Variants in PTPRD observed in about 807,000 individuals in gnomAD.
PTPRD encodes receptor-type tyrosine-protein phosphatase delta.
In PTPRD, 34 loss-of-function variants were observed where a neutral mutation model predicts 214.5. That is an observed-to-expected ratio of 0.16 (90% confidence interval 0.12 to 0.21). The LOEUF (loss-of-function observed/expected upper bound fraction) is 0.21, where lower values mean the gene tolerates loss of function less well. Ranked by LOEUF, PTPRD falls within the 10% of genes least tolerant of loss-of-function variation. The pLI is 1.00. For missense variants in PTPRD, 2,545 were observed against 2,398.7 expected (o/e 1.06, Z -1.27); for synonymous variants, 1,128 against 845.7 (o/e 1.33, Z -5.79).
chr9:9,284,917 G>C (rs948617790), intron 9 of PTPRD, among the ~76,000 whole-genome samples: 1 of 151,778 alleles, frequency 6.6e-6, no homozygotes, highest in East Asian at 2.0e-4. Context: ...CTCATTAAGT[G>C]TTAGCTATTT....
intron 3 of PTPRD, among the ~76,000 whole-genome samples, chr9:10,137,669 T>C (rs1225288499): frequency 1.6e-5 from 1 of 64,370 alleles, no homozygotes; most frequent in Non-Finnish European, 2.7e-5. Flanking sequence ...ACCTGCACAA[T>C]GTGCACATGT....
intron 11 of PTPRD, among the ~76,000 whole-genome samples, chr9:8,773,761 A>T (rs72702334): frequency 3.9e-5 from 6 of 152,242 alleles, no homozygotes; most frequent in Non-Finnish European, 8.8e-5. Context: ...CTTGTTTACA[A>T]TAACTATGAT....
At chr9:9,223,644 C>G (rs905211381) in intron 9 of PTPRD, among the ~76,000 whole-genome samples, 2 of 151,932 alleles carry the variant, frequency 1.3e-5, no homozygotes, top group African/African-American at 4.8e-5. Flanking sequence ...AAGTAGACAT[C>G]ATTCCACTAG....
chr9:9,234,067 T>A (rs1245508087), intron 9 of PTPRD, among the ~76,000 whole-genome samples: 1 of 152,184 alleles, frequency 6.6e-6, no homozygotes, highest in Non-Finnish European at 1.5e-5. Context: ...TGCACTGCCC[T>A]AGCAGAGGTT....
chr9:9,695,228 C>T (rs943644284), intron 7 of PTPRD, among the ~76,000 whole-genome samples: 5 of 152,132 alleles, frequency 3.3e-5, no homozygotes, highest in South Asian at 2.1e-4. Context: ...TCCATTTTGG[C>T]CCAGAGTGTG....
chr9:9,190,315 G>A (rs1004062233), intron 9 of PTPRD, among the ~76,000 whole-genome samples: 4 of 151,982 alleles, frequency 2.6e-5, no homozygotes, highest in African/African-American at 7.2e-5. Context: ...CCCACATGTC[G>A]TGGGAGGGAC....
intron 3 of PTPRD, among the ~76,000 whole-genome samples, chr9:10,286,162 C>T (rs1367801934): frequency 6.6e-6 from 1 of 151,734 alleles, no homozygotes; most frequent in Non-Finnish European, 1.5e-5. Context: ...ATGCATGTAC[C>T]AAATAAGGAA....
chr9:9,093,893 A>C (rs1418977026), intron 10 of PTPRD, among the ~76,000 whole-genome samples: 1 of 152,048 alleles, frequency 6.6e-6, no homozygotes, highest in Non-Finnish European at 1.5e-5. Flanking sequence ...TTCTATAAAA[A>C]GATCAGTAAA....
At chr9:8,691,393 A>G (rs1270957291) in intron 12 of PTPRD, among the ~76,000 whole-genome samples, 3 of 128,972 alleles carry the variant, frequency 2.3e-5, no homozygotes, top group African/African-American at 3.3e-5. Context: ...GTTCTTCTCT[A>G]GAGAAAAAAA....
chr9:9,350,630 T>C (rs181837277), intron 9 of PTPRD, among the ~76,000 whole-genome samples: 1 of 152,210 alleles, frequency 6.6e-6, no homozygotes, highest in Non-Finnish European at 1.5e-5. Context: ...GTATCCTCTA[T>C]ATTTTCTACG....
chr9:8,511,834 T>C (rs552372249), intron 21 of PTPRD, among the ~76,000 whole-genome samples: 2 of 152,120 alleles, frequency 1.3e-5, no homozygotes, highest in South Asian at 4.1e-4. Context: ...TAAAATGAGA[T>C]CATAATCCTA....
At chr9:10,198,762 A>G (rs900424800) in intron 3 of PTPRD, among the ~76,000 whole-genome samples, 2 of 152,138 alleles carry the variant, frequency 1.3e-5, no homozygotes, top group Non-Finnish European at 2.9e-5. Flanking sequence ...AAATGAATCC[A>G]TTATTCCCAG....
At chr9:9,079,912 G>A (rs1349400818) in intron 10 of PTPRD, among the ~76,000 whole-genome samples, 2 of 152,010 alleles carry the variant, frequency 1.3e-5, no homozygotes, top group Non-Finnish European at 2.9e-5. Flanking sequence ...TGGAATAAGG[G>A]TGCCCTTAGT....
chr9:8,744,576 T>C (rs2092564448), intron 11 of PTPRD, among the ~76,000 whole-genome samples: 1 of 152,206 alleles, frequency 6.6e-6, no homozygotes, highest in Non-Finnish European at 1.5e-5. Flanking sequence ...ATGTTCTCCC[T>C]CATAAGGAGG....
chr9:10,091,969 G>A (rs1205452452), intron 3 of PTPRD, among the ~76,000 whole-genome samples: 1 of 151,354 alleles, frequency 6.6e-6, no homozygotes, highest in Non-Finnish European at 1.5e-5. Flanking sequence ...AGGTGTGTAT[G>A]AGCATAGATA....
intron 7 of PTPRD, among the ~76,000 whole-genome samples, chr9:9,640,259 C>T (rs1033404632): frequency 1.3e-5 from 2 of 152,104 alleles, no homozygotes; most frequent in African/African-American, 4.8e-5. Flanking sequence ...GTGATTTTTG[C>T]TTGGAATGCT....
intron 2 of PTPRD, among the ~76,000 whole-genome samples, chr9:10,485,786 T>G (rs1297499885): frequency 2.0e-5 from 3 of 152,142 alleles, no homozygotes; most frequent in African/African-American, 2.4e-5. Flanking sequence ...TCCAAATACA[T>G]GATCATATCG....
chr9:8,898,667 A>G (rs1213001479), intron 11 of PTPRD, among the ~76,000 whole-genome samples: 1 of 152,164 alleles, frequency 6.6e-6, no homozygotes, highest in Non-Finnish European at 1.5e-5. Context: ...TGGCACGAAT[A>G]AGATCTCAAT....
intron 5 of PTPRD, among the ~76,000 whole-genome samples, chr9:9,897,131 TACAC>T (rs60964311): frequency 0.06 from 8,907 of 148,906 alleles, 500 homozygotes; most frequent in African/African-American, 0.15. Flanking sequence ...CTCTTACACT[TACAC>T]ACACACACAC....
Sources: allele counts gnomAD v4.1 joint callset (sites outside exome capture counted in the v4.1 genomes callset), GRCh38; gene constraint gnomAD v4.1.1; transcripts MANE v1.5; gene names NCBI Gene and HGNC (gene_info 2026-07-23, HGNC 2026-07-21).